The following FSHR variants were observed in gnomAD, a reference collection of about 807,000 sequenced individuals.
FSHR encodes follicle stimulating hormone receptor, also known as follicle-stimulating hormone receptor.
A neutral mutation model predicts 52.1 loss-of-function variants in FSHR; 46 were observed. The ratio of observed to expected loss-of-function variants is 0.88; its 90% CI spans 0.70 to 1.13. The LOEUF (loss-of-function observed/expected upper bound fraction) is 1.13, where lower values mean the gene tolerates loss of function less well. Among genes scored for constraint, FSHR ranks in the 50% most tolerant of loss-of-function variants. FSHR has a pLI of 0.00. For missense variants in FSHR, 964 were observed against 834.6 expected (o/e 1.16, Z -1.91); for synonymous variants, 399 against 309.6 (o/e 1.29, Z -3.03).
chr2:49,147,070 T>C (rs1469022806), intron 1 of FSHR, among the ~76,000 whole-genome samples: 1 of 152,100 alleles, frequency 6.6e-6, no homozygotes, highest in Non-Finnish European at 1.5e-5. Context: ...TATTCAAATA[T>C]TATTTTACAT....
At chr2:49,079,913 A>G (rs1035791159) in intron 1 of FSHR, among the ~76,000 whole-genome samples, 4 of 152,178 alleles carry the variant, frequency 2.6e-5, no homozygotes, top group African/African-American at 4.8e-5. Flanking sequence ...ACATAAACTG[A>G]ACTGTAGTTT....
At chr2:48,982,836 C>G in intron 8 of FSHR, 76 bp downstream of exon 8, 4 of 1,266,674 alleles carry the variant, frequency 3.2e-6, no homozygotes, top group Non-Finnish European at 3.5e-6. Flanking sequence ...GGAAGCTTCT[C>G]CCCTAGCTGC....
intron 1 of FSHR, among the ~76,000 whole-genome samples, chr2:49,101,888 TG>T: frequency 6.6e-6 from 1 of 152,236 alleles, no homozygotes; most frequent in East Asian, 1.9e-4. Context: ...GGGTATTATA[TG>T]GCAATAGGAC....
chr2:49,100,348 G>C (rs1291449222), intron 1 of FSHR, among the ~76,000 whole-genome samples: 1 of 152,064 alleles, frequency 6.6e-6, no homozygotes, highest in Non-Finnish European at 1.5e-5. Flanking sequence ...ATGAGTATTA[G>C]CTAGTCAAAC....
chr2:49,110,655 G>T (rs1671390939), intron 1 of FSHR, among the ~76,000 whole-genome samples: 1 of 152,062 alleles, frequency 6.6e-6, no homozygotes, highest in African/African-American at 2.4e-5. Flanking sequence ...CAAAAAGTAG[G>T]TGCCTTATAA....
chr2:49,011,092 G>T (rs1423362372), intron 4 of FSHR, among the ~76,000 whole-genome samples: 1 of 150,962 alleles, frequency 6.6e-6, no homozygotes, highest in Admixed American at 6.6e-5. Context: ...GTTTGCTCTT[G>T]CTTTTCTAGT....
rs576341285 is a variant in FSHR, at chr2:49,027,935, G to T, written c.225-7775C>A. Among the ~76,000 whole-genome samples, 4 of 151,974 alleles carry T rather than the reference G, an allele frequency of 2.6e-5. No homozygotes were observed. The East Asian group carries it at 5.8e-4, about 22-fold the overall frequency. The stretch of plus-strand genomic sequence containing the variant: ...CAGATTAGGGTTGGAAGCTAGAAAA[G>T]GTAGTCAATTTCTTTCTTAAGCAGG... On this transcript the variant is annotated intron_variant, in intron 2 of 9. Coordinates refer to ENST00000406846, the MANE Select transcript of FSHR (RefSeq NM_000145.4).
intron 2 of FSHR, among the ~76,000 whole-genome samples, chr2:49,067,693 T>C (rs557110996): frequency 2.0e-5 from 3 of 152,114 alleles, no homozygotes; most frequent in Non-Finnish European, 4.4e-5. Context: ...ACTGAATGTT[T>C]GCAGTAACAA....
intron 1 of FSHR, among the ~76,000 whole-genome samples, chr2:49,114,670 A>G (rs1671537029): frequency 6.6e-6 from 1 of 152,136 alleles, no homozygotes; most frequent in Admixed American, 6.6e-5. Flanking sequence ...TGGAGAGTGT[A>G]GTAAAGACAA....
intron 1 of FSHR, among the ~76,000 whole-genome samples, chr2:49,115,191 T>G (rs1023425099): frequency 6.0e-5 from 9 of 151,050 alleles, no homozygotes. Flanking sequence ...CCAGGCCACC[T>G]GGAGGCACCG....
chr2:48,984,512 A>T (rs968895008), intron 6 of FSHR, among the ~76,000 whole-genome samples: 1 of 152,250 alleles, frequency 6.6e-6, no homozygotes, highest in East Asian at 1.9e-4. Flanking sequence ...AAAATATTAT[A>T]TAAGTACTTT....
At chr2:49,093,370 G>T (rs931273635) in intron 1 of FSHR, among the ~76,000 whole-genome samples, 2 of 152,154 alleles carry the variant, frequency 1.3e-5, no homozygotes, top group African/African-American at 2.4e-5. Context: ...GTATATCGAA[G>T]AAATGTTGTT....
intron 1 of FSHR, among the ~76,000 whole-genome samples, chr2:49,072,120 T>G (rs961162186): frequency 1.3e-5 from 2 of 152,166 alleles, no homozygotes; most frequent in African/African-American, 4.8e-5. Context: ...CTTTCTTTGA[T>G]GATGATGCTA....
chr2:49,134,102 A>C (rs942214708), intron 1 of FSHR, among the ~76,000 whole-genome samples: 2 of 152,216 alleles, frequency 1.3e-5, no homozygotes, highest in East Asian at 1.9e-4. Context: ...TCTGCATAGC[A>C]AAAGAAACTA....
chr2:49,021,886 T>TATATATATATATATAGAGAGAGAGAG (rs1273265515), intron 2 of FSHR, among the ~76,000 whole-genome samples: 6 of 25,126 alleles, frequency 2.4e-4, no homozygotes, highest in Admixed American at 5.5e-4. Context: ...TATATATATA[T>TATATATATATATATAGAGAGAGAGAG]AGAGAGAGAG....
intron 1 of FSHR, among the ~76,000 whole-genome samples, chr2:49,096,569 C>G (rs1670828556): frequency 6.6e-6 from 1 of 152,142 alleles, no homozygotes; most frequent in South Asian, 2.1e-4. Context: ...CACTAAGAAT[C>G]ACTTAATTGT....
intron 1 of FSHR, among the ~76,000 whole-genome samples, chr2:49,125,940 G>A (rs995702869): frequency 6.6e-6 from 1 of 152,190 alleles, no homozygotes; most frequent in African/African-American, 2.4e-5. Flanking sequence ...AGGGTCTAGA[G>A]GGCAAACTGT....
intron 1 of FSHR, among the ~76,000 whole-genome samples, chr2:49,077,383 C>G (rs935971796): frequency 6.6e-6 from 1 of 152,172 alleles, no homozygotes; most frequent in African/African-American, 2.4e-5. Context: ...GAACACAGGG[C>G]GCTAAGTCCC....
chr2:48,999,554 A>G (rs754423110), intron 4 of FSHR, among the ~76,000 whole-genome samples: 4 of 152,092 alleles, frequency 2.6e-5, no homozygotes, highest in Non-Finnish European at 5.9e-5. Flanking sequence ...AAGTAACTGT[A>G]TGGAGGGTTT....
Sources: allele counts gnomAD v4.1 joint callset (sites outside exome capture counted in the v4.1 genomes callset), GRCh38; gene constraint gnomAD v4.1.1; transcripts MANE v1.5; gene names NCBI Gene and HGNC (gene_info 2026-07-23, HGNC 2026-07-21).